The following KHDRBS3 variants were observed in gnomAD, a reference collection of about 807,000 sequenced individuals.
KHDRBS3 encodes the protein KH RNA binding domain containing, signal transduction associated 3.
A neutral mutation model predicts 45.6 loss-of-function variants in KHDRBS3; 23 were observed. The observed-to-expected ratio is 0.50, with a 90% CI of 0.36 to 0.72. KHDRBS3 has a LOEUF of 0.72. KHDRBS3 is among the 30% of genes least tolerant of loss of function. KHDRBS3 has a pLI of 0.00. For synonymous variants in KHDRBS3, 162 were observed against 156.5 expected, an observed-to-expected ratio of 1.04 and a Z score of -0.26; for missense variants, 352 against 424.8, an observed-to-expected ratio of 0.83 and a Z score of 1.51.
chr8:135,609,619 A>G (rs1829627243), intron 7 of KHDRBS3, among the ~76,000 whole-genome samples: 1 of 151,484 alleles, frequency 6.6e-6, no homozygotes, highest in Non-Finnish European at 1.5e-5. Context: ...TTAAAAACAA[A>G]GACATAAATA....
chr8:135,581,411 GTC>G (rs1828201024), intron 5 of KHDRBS3, among the ~76,000 whole-genome samples: 1 of 152,074 alleles, frequency 6.6e-6, no homozygotes, highest in Non-Finnish European at 1.5e-5. Context: ...ATATTTTATT[GTC>G]TCTCTGGTGG....
intron 5 of KHDRBS3, among the ~76,000 whole-genome samples, chr8:135,568,538 A>T (rs1323377295): frequency 1.3e-5 from 2 of 152,240 alleles, no homozygotes. Flanking sequence ...AGAATAATGC[A>T]TTATAAAAGG....
At chr8:135,563,634 A>T (rs890343815) in intron 5 of KHDRBS3, among the ~76,000 whole-genome samples, 1 of 152,272 alleles carries the variant, frequency 6.6e-6, no homozygotes, top group Non-Finnish European at 1.5e-5. Context: ...TAATGTGAAT[A>T]AAGTGCTGTA....
chr8:135,509,463 T>C (rs1824167035), intron 1 of KHDRBS3, among the ~76,000 whole-genome samples: 1 of 152,264 alleles, frequency 6.6e-6, no homozygotes, highest in Non-Finnish European at 1.5e-5. Flanking sequence ...ATTATTCAAC[T>C]TGTTAGATTC....
chr8:135,520,503 G>A (rs1824853423), intron 1 of KHDRBS3, among the ~76,000 whole-genome samples: 1 of 152,044 alleles, frequency 6.6e-6, no homozygotes, highest in African/African-American at 2.4e-5. Context: ...AGAGGGAGAG[G>A]TAGCACATTT....
chr8:135,651,779 T>C (rs552138800), downstream of KHDRBS3, among the ~76,000 whole-genome samples: 2 of 152,302 alleles, frequency 1.3e-5, no homozygotes, highest in Admixed American at 6.5e-5. Flanking sequence ...TTTGACAGTG[T>C]AAGGGTTTAG....
chr8:135,487,200 A>G (rs1344362195), intron 1 of KHDRBS3, among the ~76,000 whole-genome samples: 2 of 152,216 alleles, frequency 1.3e-5, no homozygotes, highest in South Asian at 2.1e-4. Context: ...TCACAAAAAG[A>G]AAGATATTTT....
At chr8:135,495,477 G>A (rs558382722) in intron 1 of KHDRBS3, among the ~76,000 whole-genome samples, 2 of 152,176 alleles carry the variant, frequency 1.3e-5, no homozygotes, top group South Asian at 4.1e-4. Flanking sequence ...AGAGGTAGGG[G>A]AAATATATCA....
chr8:135,603,220 G>T (rs548291363), intron 6 of KHDRBS3, among the ~76,000 whole-genome samples: 5 of 152,304 alleles, frequency 3.3e-5, no homozygotes, highest in African/African-American at 1.2e-4. Context: ...TACACCTCAT[G>T]TCATCCTACT....
chr8:135,569,963 C>G (rs1252593253), intron 5 of KHDRBS3, among the ~76,000 whole-genome samples: 1 of 152,206 alleles, frequency 6.6e-6, no homozygotes, highest in Non-Finnish European at 1.5e-5. Context: ...AACAAAACCT[C>G]TCTGCCTCTT....
chr8:135,554,345 C>T (rs1252067647), intron 4 of KHDRBS3, among the ~76,000 whole-genome samples: 1 of 152,114 alleles, frequency 6.6e-6, no homozygotes, highest in African/African-American at 2.4e-5. Context: ...TTTAGTATTA[C>T]ACCTCCTAAC....
chr8:135,480,883 A>G (rs186758871), intron 1 of KHDRBS3, among the ~76,000 whole-genome samples: 17 of 152,234 alleles, frequency 1.1e-4, no homozygotes, highest in African/African-American at 3.9e-4. Context: ...TTCACTAATG[A>G]GCATTTCCAA....
chr8:135,631,085 C>T (rs890788982), intron 7 of KHDRBS3, among the ~76,000 whole-genome samples: 3 of 151,896 alleles, frequency 2.0e-5, no homozygotes, highest in African/African-American at 7.3e-5. Context: ...CCCATCTCTA[C>T]TAAAAATACA....
intron 1 of KHDRBS3, among the ~76,000 whole-genome samples, chr8:135,515,324 C>T (rs548412792): frequency 1.0e-4 from 13 of 130,186 alleles, no homozygotes; most frequent in Admixed American, 6.7e-4. Flanking sequence ...CAAGATCACG[C>T]CACTGCACTC....
intron 3 of KHDRBS3, among the ~76,000 whole-genome samples, chr8:135,548,331 T>C (rs1826411429): frequency 1.3e-5 from 2 of 152,200 alleles, no homozygotes; most frequent in Admixed American, 6.5e-5. Flanking sequence ...ATAAGTGCCT[T>C]GTACCAGCAT....
chr8:135,620,418 C>G (rs545976836), intron 7 of KHDRBS3, among the ~76,000 whole-genome samples: 1 of 152,196 alleles, frequency 6.6e-6, no homozygotes, highest in South Asian at 2.1e-4. Flanking sequence ...CCCTTCCTGA[C>G]CTGGCCCCAA....
intron 1 of KHDRBS3, among the ~76,000 whole-genome samples, chr8:135,484,966 A>G (rs931282442): frequency 1.3e-5 from 2 of 152,216 alleles, no homozygotes; most frequent in Non-Finnish European, 2.9e-5. Context: ...TGTGGAGCAC[A>G]CGAAGATAAG....
chr8:135,571,270 T>G (rs1430691250), intron 5 of KHDRBS3, among the ~76,000 whole-genome samples: 1 of 152,172 alleles, frequency 6.6e-6, no homozygotes, highest in African/African-American at 2.4e-5. Flanking sequence ...CTAAGACAGT[T>G]TAGGGCAAAA....
chr8:135,598,287 T>A (rs1166834994), intron 6 of KHDRBS3, among the ~76,000 whole-genome samples: 4 of 152,218 alleles, frequency 2.6e-5, no homozygotes, highest in Admixed American at 2.6e-4. Context: ...ACTACCTTTA[T>A]TAGGTATGAA....
Sources: allele counts gnomAD v4.1 joint callset (sites outside exome capture counted in the v4.1 genomes callset), GRCh38; gene constraint gnomAD v4.1.1; transcripts MANE v1.5; gene names NCBI Gene and HGNC (gene_info 2026-07-23, HGNC 2026-07-21).